The following ZAN variants were observed in gnomAD, a reference collection of about 807,000 sequenced individuals.
ZAN encodes zonadhesin (gene/pseudogene).
ZAN carries 260 observed loss-of-function variants against 286.2 expected under a neutral mutation model. The observed-to-expected ratio is 0.91, with a 90% confidence interval of 0.82 to 1.01. ZAN has a LOEUF of 1.01. Ranked by LOEUF, ZAN falls within the 50% of genes least tolerant of loss-of-function variation. The probability of loss-of-function intolerance (pLI) is 0.00; values close to 1 mark genes in which losing one functional copy is unlikely to be tolerated. For missense variants in ZAN, 3,410 were observed against 3,639.2 expected, an observed-to-expected ratio of 0.94 and a Z score of 1.62; for synonymous variants, 1,368 against 1,417.5, an observed-to-expected ratio of 0.97 and a Z score of 0.79.
chr7:100,789,818 G>A (rs1485913556), intron 39 of ZAN, among the ~76,000 whole-genome samples: 2 of 151,964 alleles, frequency 1.3e-5, no homozygotes, highest in Non-Finnish European at 2.9e-5. Flanking sequence ...GGTGGTGGGC[G>A]CCTGTAATCC....
chr7:100,775,569 T>TGAGCTGGGTGTG lies in ZAN; in HGVS notation c.6022_6023insAGCTGGGTGTGG (p.Arg2007_Val2008insGluLeuGlyVal). ...AGGTCACCCTGCAGAAGGGCCACCGTGTGCTAGTGAGCTGGGTGTGGTGAC... is the reference window on the plus strand; with the variant it reads ...AGGTCACCCTGCAGAAGGGCCACCGTGAGCTGGGTGTGGTGCTAGTGAGCTGGGTGTGGTGAC... On this transcript the variant is annotated inframe_insertion, in exon 32 of 48. Transcript: ENST00000613979. The TGAGCTGGGTGTG allele has an allele frequency of 1.2e-6, 2 of 1,613,388 alleles. No individual in the cohort carries two copies. Among genetic ancestry groups the TGAGCTGGGTGTG allele is most frequent in the Non-Finnish European group, 1.7e-6 (2 of 1,179,442 alleles).
intron 30 of ZAN, 107 bp from the exon 31 acceptor site, chr7:100,773,614 G>A (rs922741747): frequency 1.9e-6 from 3 of 1,538,968 alleles, no homozygotes; most frequent in Non-Finnish European, 2.6e-6. Flanking sequence ...GGCCAAGGCT[G>A]GGGGGCGAGG....
chr7:100,787,477 A>C (rs1271136491), intron 37 of ZAN, among the ~76,000 whole-genome samples: 1 of 152,080 alleles, frequency 6.6e-6, no homozygotes, highest in Non-Finnish European at 1.5e-5. Context: ...TGAGCCTAAG[A>C]GGGTGGCCAC....
Position 100,770,396 on chromosome 7 carries a change from T to C in ZAN, c.5248+422T>C, listed in dbSNP as rs538928622. 1.3e-3 allele frequency among the ~76,000 whole-genome samples: 192 copies of C among 146,884 alleles called. 1 individual carries two copies. The highest frequency in any genetic ancestry group is 4.7e-3 in the African/African-American group (187 of 39,588). On this transcript the variant is annotated intron_variant, in intron 28 of 47. Transcript: ENST00000613979. ...ACGGGCACCTGTAGTCCCAGCTACT[T>C]GGGAGGCTGAGGCAGAAGAATCGCT...
At chr7:100,736,174 C>T (rs1807277579) in intron 3 of ZAN, among the ~76,000 whole-genome samples, 1 of 142,104 alleles carries the variant, frequency 7.0e-6, no homozygotes. Context: ...CGAGCAATTT[C>T]TGCTCTGGAC....
At chr7:100,783,110 A>T (rs1811296641) in intron 35 of ZAN, among the ~76,000 whole-genome samples, 1 of 151,866 alleles carries the variant, frequency 6.6e-6, no homozygotes, top group South Asian at 2.1e-4. Flanking sequence ...TCTACTAAAA[A>T]TACAAAAAAT....
intron 28 of ZAN, 128 bp downstream of exon 28, chr7:100,770,102 A>C: frequency 2.4e-6 from 2 of 841,202 alleles, no homozygotes; most frequent in Admixed American, 2.5e-5. Context: ...GCAAATGGGA[A>C]CACAGGGCCA....
rs748890629 is a variant in ZAN at position 100,736,500 on chromosome 7, G to A, written c.124G>A (p.Asp42Asn). Residue 42 changes from aspartate to asparagine, a missense_variant, in exon 4 of 48, where the codon GAT (aspartate) becomes AAT (asparagine). By Grantham distance (23) the Asp-to-Asn change is conservative (BLOSUM62 1). Around this residue, in one of 7 missense-constraint regions of ZAN, gnomAD observed 872 missense variants for 938.9 expected, o/e 0.93. Coordinates refer to ENST00000613979, the MANE Select transcript of ZAN (RefSeq NM_003386.3). ...SRDNYVLTQCDFEDDAKPLCD... is the reference protein window; with the variant it reads ...SRDNYVLTQCNFEDDAKPLCD... Reference sequence around the variant, plus strand: ...CTTCCTAGATGTCCTCACCCAGTGTGATTTTGAGGATGACGCCAAACCCCT... The same window carrying A: ...CTTCCTAGATGTCCTCACCCAGTGTAATTTTGAGGATGACGCCAAACCCCT... 3.9e-6 allele frequency: 6 copies of A among 1,524,102 alleles called. 2 individuals are homozygous for A. The highest frequency in any genetic ancestry group is 5.4e-6 in the Non-Finnish European group (6 of 1,108,236). The allele number at this position is 1,524,102 out of a possible 1,614,324, so 94.4% of individuals were successfully genotyped here. A position where few individuals can be genotyped will look rare whatever the true frequency, so the allele number is the denominator to read the frequency against.
Position 100,792,115 on chromosome 7 carries a change from G to A in ZAN, c.7679G>A (p.Cys2560Tyr), listed in dbSNP as rs374375810. The change falls in exon 41 of 48, where the codon TGT becomes TAT. Residue 2560 changes from cysteine to tyrosine, a missense_variant. Cys to Tyr is a radical substitution (Grantham distance 194). Transcript: ENST00000613979. ...LADPQGPFAA[C>Y]HQTVAPEPFQ... ...GACCCCCAGGGCCCCTTTGCTGCCT[G>A]TCACCAGACGGTGGCCCCAGAGCCC... 74 of 1,612,036 alleles carry A rather than the reference G, an allele frequency of 4.6e-5. No homozygotes were observed. The African/African-American group carries it at 8.8e-4, about 19-fold the overall frequency.
intron 35 of ZAN, among the ~76,000 whole-genome samples, chr7:100,783,815 T>TATATATACAC (rs71126339): frequency 2.3e-5 from 1 of 44,244 alleles, no homozygotes; most frequent in African/African-American, 5.9e-5. Context: ...CATATATATA[T>TATATATACAC]ACATATATAT....
rs955907582 is a variant in ZAN, at chr7:100,751,162, C to T, written c.1522-20C>T. ...TTCATTTTTGTTTCTCTCTCCGTCTCTCTCCCTTGTCGCCTTTAGCTTATT... is the reference window on the plus strand; with the variant it reads ...TTCATTTTTGTTTCTCTCTCCGTCTTTCTCCCTTGTCGCCTTTAGCTTATT... On this transcript the variant is annotated intron_variant, in intron 12 of 47. Coordinates refer to ENST00000613979, the MANE Select transcript of ZAN (RefSeq NM_003386.3). 2.5e-6 allele frequency: 4 copies of T among 1,578,926 alleles called. No homozygotes were observed. Among genetic ancestry groups the T allele is most frequent in the East Asian group, 2.2e-5 (1 of 44,546 alleles).
chr7:100,767,747 G>A lies in ZAN; in HGVS notation c.4861-84G>A, dbSNP rs1298141865. 27 of 1,473,170 alleles carry A rather than the reference G, an allele frequency of 1.8e-5. No individual in the cohort carries two copies. In the South Asian group the frequency reaches 2.3e-4, roughly 13 times the overall value. 91.3% of individuals were successfully genotyped at this position (1,473,170 alleles called of 1,614,324 possible). ...TCCGCCTCGGCCTCCCAAAGTGCTGGGTTTGCAGGCATGAGCCCCCGTCCT... is the reference window on the plus strand; with the variant it reads ...TCCGCCTCGGCCTCCCAAAGTGCTGAGTTTGCAGGCATGAGCCCCCGTCCT... On this transcript the variant is annotated intron_variant, in intron 25 of 47. Transcript: ENST00000613979.
rs746724015 is a variant in ZAN at position 100,736,898 on chromosome 7, C to T, written c.343C>T (p.Leu115Phe). The change falls in exon 5 of 48, where the codon CTC becomes TTC. Residue 115 changes from leucine to phenylalanine, a missense_variant. Around this residue, in one of 7 missense-constraint regions of ZAN, gnomAD observed 872 missense variants for 938.9 expected, o/e 0.93. Transcript: ENST00000613979. ...LSPDLWEQGP[L>F]CVHFAHHMFG... ...CCCCGACCTATGGGAGCAAGGCCCC[C>T]TCTGTGTGCACTTTGCCCACCACAT... 2.7e-6 allele frequency: 4 copies of T among 1,490,320 alleles called. 1 individual carries two copies. Among genetic ancestry groups the T allele is most frequent in the African/African-American group, 2.8e-5 (2 of 70,616 alleles). 92.3% of individuals were successfully genotyped at this position (1,490,320 alleles called of 1,614,324 possible).
At chr7:100,759,601 C>A in intron 17 of ZAN, 120 bp from the exon 18 acceptor site, 1 of 1,336,010 alleles carries the variant, frequency 7.5e-7, no homozygotes. Flanking sequence ...CCCTACTGGA[C>A]TTTGGGGCTG....
Position 100,775,591 on chromosome 7 carries a change from T to G in ZAN, c.6027+16T>G. ...CCGTGTGCTAGTGAGCTGGGTGTGG[T>G]GACCGGGGCTGGGAGGGAGTGCTGG... On this transcript the variant is annotated intron_variant, in intron 32 of 47. Transcript: ENST00000613979. The G allele has an allele frequency of 6.2e-7, 1 of 1,612,234 alleles. No individual in the cohort carries two copies. Among genetic ancestry groups the G allele is most frequent in the Non-Finnish European group, 8.5e-7 (1 of 1,178,480 alleles).
chr7:100,748,361 T>C lies in ZAN; in HGVS notation c.1140T>C (p.His380=). ...FPQCDFEDNA[H]PFCDWVQTSG... ...AGTGTGACTTTGAAGACAACGCCCA[T>C]CCCTTCTGTGACTGGGTCCAGACTT... The change falls in exon 11 of 48, where the codon CAT becomes CAC. Residue 380 remains histidine, a synonymous_variant. Transcript: ENST00000613979. 10 of 1,613,952 alleles carry C rather than the reference T, an allele frequency of 6.2e-6. No homozygotes were observed. The highest frequency in any genetic ancestry group is 8.5e-6 in the Non-Finnish European group (10 of 1,179,890).
intron 29 of ZAN, among the ~76,000 whole-genome samples, chr7:100,773,011 A>C (rs564669257): frequency 6.6e-6 from 1 of 151,300 alleles, no homozygotes; most frequent in East Asian, 2.0e-4. Flanking sequence ...AGCTGGGACT[A>C]CAGGCGTGTG....
At position 100,786,029 on chromosome 7, in the gene ZAN, G is replaced by A. The variant is rs371369772; in HGVS notation, c.6867G>A (p.Thr2289=). Residue 2289 remains threonine (T), a synonymous_variant, in exon 37 of 48, where the codon ACG becomes ACA. Coordinates refer to ENST00000613979, the MANE Select transcript of ZAN (RefSeq NM_003386.3). Reference sequence around the variant, plus strand: ...AGAGCTGGGTCTCCAGCGGTTGCACGGAGAAGTGTGTCTGCACGGGAGGAG... The same window carrying A: ...AGAGCTGGGTCTCCAGCGGTTGCACAGAGAAGTGTGTCTGCACGGGAGGAG... ...LGKSWVSSGC[T]EKCVCTGGAI... 17 of 1,613,942 alleles carry A rather than the reference G, an allele frequency of 1.1e-5. No homozygotes were observed. Among genetic ancestry groups the A allele is most frequent in the Admixed American group, 6.7e-5 (4 of 60,022 alleles).
intron 7 of ZAN, among the ~76,000 whole-genome samples, chr7:100,746,299 G>T (rs1359551093): frequency 1.3e-5 from 2 of 152,188 alleles, no homozygotes; most frequent in East Asian, 3.9e-4. Flanking sequence ...TCTAGTTGCT[G>T]CTTTGGAGAA....
Sources: gnomAD v4.1 joint callset for allele counts (sites outside exome capture counted in the v4.1 genomes callset) on GRCh38, gnomAD v4.1.1 for gene constraint, gnomAD v4.1.1 regional missense constraint, MANE v1.5 for transcripts, NCBI Gene and HGNC (gene_info 2026-07-23, HGNC 2026-07-21) for gene names.